The following CABLES1 variants were observed in gnomAD, a reference collection of about 807,000 sequenced individuals.
The protein encoded by CABLES1 is CDK5 and ABL1 enzyme substrate 1.
Under a neutral mutation model 57.8 loss-of-function variants are expected in CABLES1, and 36 were observed. That is an observed-to-expected ratio of 0.62 (90% confidence interval 0.48 to 0.82). The LOEUF is 0.82. Among genes scored for constraint, CABLES1 ranks in the 40% least tolerant of loss-of-function variants. The probability of loss-of-function intolerance (pLI) is 0.00; values close to 1 mark genes in which losing one functional copy is unlikely to be tolerated. For missense variants in CABLES1, 767 were observed against 836.6 expected, an observed-to-expected ratio of 0.92 and a Z score of 1.03; for synonymous variants, 374 against 363.0, an observed-to-expected ratio of 1.03 and a Z score of -0.35.
intron 1 of CABLES1, among the ~76,000 whole-genome samples, chr18:23,179,256 A>C (rs1453150341): frequency 6.6e-6 from 1 of 152,060 alleles, no homozygotes; most frequent in Non-Finnish European, 1.5e-5. Flanking sequence ...ACTGCACTCC[A>C]CCCTGGGAGA....
At chr18:23,159,911 T>C (rs1476896883) in intron 1 of CABLES1, among the ~76,000 whole-genome samples, 1 of 152,050 alleles carries the variant, frequency 6.6e-6, no homozygotes, top group Non-Finnish European at 1.5e-5. Context: ...GTTGGCAAGT[T>C]ACACCGTTAA....
At chr18:23,141,930 G>A (rs572028393) in intron 1 of CABLES1, among the ~76,000 whole-genome samples, 1 of 152,340 alleles carries the variant, frequency 6.6e-6, no homozygotes, top group Non-Finnish European at 1.5e-5. Flanking sequence ...GGGTAGAATA[G>A]GAGGCAGTGC....
At chr18:23,250,756 G>A (rs1171426779) in intron 7 of CABLES1, among the ~76,000 whole-genome samples, 2 of 152,244 alleles carry the variant, frequency 1.3e-5, no homozygotes, top group African/African-American at 2.4e-5. Flanking sequence ...GGGCCAGAAA[G>A]ACTATGTATC....
chr18:23,209,005 G>T (rs1244799636), intron 3 of CABLES1, among the ~76,000 whole-genome samples: 1 of 152,200 alleles, frequency 6.6e-6, no homozygotes. Context: ...GACCCAGTAG[G>T]ACCTCATCCT....
chr18:23,219,026 A>G (rs897642583), intron 4 of CABLES1: 4 of 369,646 alleles, frequency 1.1e-5, no homozygotes, highest in African/African-American at 4.2e-5. Flanking sequence ...GGTGTTTGCT[A>G]TGTAAAATTT....
intron 1 of CABLES1, among the ~76,000 whole-genome samples, chr18:23,180,886 C>A (rs1389747827): frequency 6.6e-6 from 1 of 152,094 alleles, no homozygotes; most frequent in Non-Finnish European, 1.5e-5. Flanking sequence ...AGGCTTCCGC[C>A]CAGAAAGTCA....
At chr18:23,214,341 C>T in intron 4 of CABLES1, 1 of 285,780 alleles carries the variant, frequency 3.5e-6, no homozygotes, top group East Asian at 7.3e-5. Context: ...TGGGGCCCAC[C>T]ATATTCCACA....
At chr18:23,178,589 T>A (rs544637132) in intron 1 of CABLES1, among the ~76,000 whole-genome samples, 1 of 152,282 alleles carries the variant, frequency 6.6e-6, no homozygotes, top group African/African-American at 2.4e-5. Flanking sequence ...GATCTTCAAG[T>A]AGGGACTGAC....
chr18:23,244,841 C>T (rs2047834466), intron 7 of CABLES1, among the ~76,000 whole-genome samples: 2 of 152,296 alleles, frequency 1.3e-5, no homozygotes, highest in South Asian at 2.1e-4. Context: ...GGCAGTAGGT[C>T]AGAGAACAGT....
intron 1 of CABLES1, among the ~76,000 whole-genome samples, chr18:23,182,880 G>T (rs893470245): frequency 2.0e-5 from 3 of 152,242 alleles, no homozygotes; most frequent in African/African-American, 7.2e-5. Context: ...CAGCAGTGAG[G>T]CGCTCACCTG....
Position 23,238,250 on chromosome 18 carries a change from C to G in CABLES1, c.1446+1005C>G, listed in dbSNP as rs76648074. On this transcript the variant is annotated intron_variant, in intron 7 of 9. Coordinates refer to ENST00000256925, the MANE Select transcript of CABLES1 (RefSeq NM_001100619.3). Reference sequence around the variant, plus strand: ...CCCCGTACTCAAAGGAAACCCAGATCTTCATTCAGAACTGAGGGTTCTCCG... The same window carrying G: ...CCCCGTACTCAAAGGAAACCCAGATGTTCATTCAGAACTGAGGGTTCTCCG... Among the ~76,000 whole-genome samples the G allele has an allele frequency of 4.0e-3, 606 of 152,384 alleles. 4 individuals carry two copies. The highest frequency in any genetic ancestry group is 0.014 in the African/African-American group (583 of 41,590).
chr18:23,204,644 GA>G (rs796153620), intron 3 of CABLES1: 5 of 152,450 alleles, frequency 3.3e-5, no homozygotes, highest in African/African-American at 1.2e-4. Flanking sequence ...TGCTGATTAA[GA>G]CATACCTGAG....
intron 3 of CABLES1, among the ~76,000 whole-genome samples, chr18:23,206,042 C>A (rs911974767): frequency 1.3e-5 from 2 of 152,106 alleles, no homozygotes; most frequent in Non-Finnish European, 2.9e-5. Flanking sequence ...GACTTCTGGC[C>A]CCCAGAACTG....
chr18:23,194,493 G>C lies in CABLES1; in HGVS notation c.963G>C (p.Lys321Asn). Residue 321 changes from lysine (K) to asparagine (N), a missense_variant, in exon 3 of 10, where the codon AAG (lysine) becomes AAC (asparagine). Lys to Asn is a moderately conservative substitution (Grantham distance 94). Around this residue, in one of 4 missense-constraint regions of CABLES1, gnomAD observed 529 missense variants for 622.8 expected, o/e 0.85. Transcript: ENST00000256925. ...CACCCAGACCAAAGAATTTTAAGAA[G>C]ATTCATTTTATCAAGAACATGCGGC... ...SGSPRPKNFK[K>N]IHFIKNMRQH... 6.2e-7 allele frequency: 1 copy of C among 1,613,646 alleles called. No homozygotes were observed. The highest frequency in any genetic ancestry group is 8.5e-7 in the Non-Finnish European group (1 of 1,179,586).
intron 3 of CABLES1, among the ~76,000 whole-genome samples, chr18:23,201,467 A>G (rs915903874): frequency 1.3e-5 from 2 of 152,188 alleles, no homozygotes; most frequent in Non-Finnish European, 2.9e-5. Flanking sequence ...GAACCTTGAA[A>G]ATAAGCTGAG....
chr18:23,243,001 C>T (rs556529645), intron 7 of CABLES1, among the ~76,000 whole-genome samples: 1 of 151,224 alleles, frequency 6.6e-6, no homozygotes, highest in South Asian at 2.1e-4. Context: ...CCCCAATATA[C>T]ATACAGTATA....
chr18:23,253,869 CATG>C lies in CABLES1; in HGVS notation c.1695_1697del (p.Cys566del). On this transcript the variant is annotated inframe_deletion, in exon 9 of 10. Coordinates refer to ENST00000256925, the MANE Select transcript of CABLES1 (RefSeq NM_001100619.3). ...CAGAACCGGAAGCTGTGTGCTGGGGCATGTGTGCTGTTAGCAGCCAAAATTGGA... is the reference window on the plus strand; with the variant it reads ...CAGAACCGGAAGCTGTGTGCTGGGGCTGTGCTGTTAGCAGCCAAAATTGGA... The C allele has an allele frequency of 6.2e-7, 1 of 1,614,224 alleles. No individual in the cohort carries two copies. Among genetic ancestry groups the C allele is most frequent in the Non-Finnish European group, 8.5e-7 (1 of 1,180,042 alleles).
chr18:23,138,481 G>A (rs1348351883), intron 1 of CABLES1, among the ~76,000 whole-genome samples: 1 of 152,172 alleles, frequency 6.6e-6, no homozygotes, highest in East Asian at 1.9e-4. Context: ...AATTACAGCT[G>A]TGAACAGAAA....
At chr18:23,136,821 G>A (rs1474578311) in intron 1 of CABLES1, among the ~76,000 whole-genome samples, 3 of 152,278 alleles carry the variant, frequency 2.0e-5, no homozygotes, top group Admixed American at 2.0e-4. Context: ...CACGAGCCCA[G>A]CATTCGCAGA....
Sources: gnomAD v4.1 joint callset for allele counts (sites outside exome capture counted in the v4.1 genomes callset) on GRCh38, gnomAD v4.1.1 for gene constraint, gnomAD v4.1.1 regional missense constraint, MANE v1.5 for transcripts, NCBI Gene and HGNC (gene_info 2026-07-23, HGNC 2026-07-21) for gene names.